PDLIM4: variants seen among roughly 807,000 people sequenced by gnomAD.
PDLIM4 encodes PDZ and LIM domain protein 4.
A neutral mutation model predicts 31.3 loss-of-function variants in PDLIM4; 19 were observed. The observed-to-expected ratio is 0.61, with a 90% CI of 0.42 to 0.89. PDLIM4 has a LOEUF of 0.89. PDLIM4 is among the 40% of genes least tolerant of loss of function. PDLIM4 has a pLI of 0.00. For missense variants in PDLIM4, 442 were observed against 461.1 expected, an observed-to-expected ratio of 0.96 and a Z score of 0.38; for synonymous variants, 176 against 190.1, an observed-to-expected ratio of 0.93 and a Z score of 0.61.
At chr5:132,263,727 A>G (rs892939045) in intron 2 of PDLIM4, among the ~76,000 whole-genome samples, 5 of 152,180 alleles carry the variant, frequency 3.3e-5, no homozygotes, top group Non-Finnish European at 7.3e-5. Flanking sequence ...CCAAACCACA[A>G]CACAGCTAAC....
chr5:132,271,566 T>A, intron 5 of PDLIM4, 100 bp downstream of exon 5: 1 of 1,279,250 alleles, frequency 7.8e-7, no homozygotes, highest in Non-Finnish European at 1.1e-6. Flanking sequence ...TCACCTGCCC[T>A]CTTCGGTCTC....
chr5:132,268,863 G>A (rs75811544), intron 3 of PDLIM4, among the ~76,000 whole-genome samples: 2,090 of 152,278 alleles, frequency 0.014, 46 homozygotes, highest in African/African-American at 0.048. Flanking sequence ...ACAACCAAGT[G>A]GGCAGCAGGC....
chr5:132,262,355 C>T (rs944579306), intron 1 of PDLIM4, among the ~76,000 whole-genome samples: 3 of 152,194 alleles, frequency 2.0e-5, no homozygotes, highest in African/African-American at 7.2e-5. Flanking sequence ...CCATTTGTCC[C>T]AGCCCTGAGG....
chr5:132,264,156 G>A (rs73263565), intron 2 of PDLIM4, among the ~76,000 whole-genome samples: 13 of 152,306 alleles, frequency 8.5e-5, no homozygotes, highest in African/African-American at 3.1e-4. Flanking sequence ...GTGCCTCAGA[G>A]GGGGCCTGAG....
rs777973591 is a variant in PDLIM4, at chr5:132,271,031, T to A, written c.444T>A (p.Asn148Lys). The change falls in exon 4 of 7, where the codon AAT (asparagine) becomes AAA (lysine). Residue 148 changes from asparagine (N) to lysine (K), a missense_variant. Asn to Lys is a moderately conservative substitution (Grantham distance 94). Coordinates refer to ENST00000253754, the MANE Select transcript of PDLIM4 (RefSeq NM_003687.4). ...GQPPRFPVPH[N>K]GSSEATLPAQ... ...CCCCTCGCTTTCCAGTCCCTCACAATGGCAGCAGCGAGGCCACCCTGCCAG... is the reference window on the plus strand; with the variant it reads ...CCCCTCGCTTTCCAGTCCCTCACAAAGGCAGCAGCGAGGCCACCCTGCCAG... The A allele has an allele frequency of 1.2e-6, 2 of 1,614,064 alleles. No individual in the cohort carries two copies. The highest frequency in any genetic ancestry group is 2.2e-5 in the South Asian group (2 of 91,080).
Position 132,257,952 on chromosome 5 carries a change from CCGCA to C in PDLIM4, c.93+126_93+129del, listed in dbSNP as rs1225914711. ...AAGGCGGAGGGTTGGCCTGGGCGCC[CCGCA>C]TGCTGTAGAGGCGGCTTCCAGGCAG... On this transcript the variant is annotated intron_variant, in intron 1 of 6. Transcript: ENST00000253754. The surrounding 1 kb of genome is among the most constrained non-coding windows in gnomAD (Gnocchi z 4.3). 2 of 517,888 alleles carry C rather than the reference CCGCA, an allele frequency of 3.9e-6. No homozygotes were observed. The highest frequency in any genetic ancestry group is 7.6e-5 in the East Asian group (2 of 26,452). 32.1% of individuals were successfully genotyped at this position (517,888 alleles called of 1,614,324 possible).
At chr5:132,261,516 C>T (rs1580797656) in intron 1 of PDLIM4, 1 of 152,272 alleles carries the variant, frequency 6.6e-6, no homozygotes, top group Non-Finnish European at 1.5e-5. Context: ...TTTGAACCAG[C>T]TGGGCACTGG....
At chr5:132,267,600 C>T (rs1233478462) in intron 3 of PDLIM4, among the ~76,000 whole-genome samples, 2 of 152,056 alleles carry the variant, frequency 1.3e-5, no homozygotes, top group African/African-American at 4.8e-5. Flanking sequence ...GAAGCCAAGA[C>T]CTGAAGGGCT....
chr5:132,272,468 G>A lies in PDLIM4; in HGVS notation c.*239G>A. The A allele has an allele frequency of 1.8e-6, 1 of 561,620 alleles. No individual in the cohort carries two copies. The highest frequency in any genetic ancestry group is 3.2e-6 in the Non-Finnish European group (1 of 311,090). The allele number at this position is 561,620 out of a possible 1,614,324, so 34.8% of individuals were successfully genotyped here. A position where few individuals can be genotyped will look rare whatever the true frequency, so the allele number is the denominator to read the frequency against. On this transcript the variant is annotated 3_prime_UTR_variant, in exon 7 of 7. Coordinates refer to ENST00000253754, the MANE Select transcript of PDLIM4 (RefSeq NM_003687.4). ...GGACGGGTACCATGCTGCCCTGAAG[G>A]GGGCCACAGCCTGGGTGGAAGGCAG...
At chr5:132,259,774 T>G (rs1405876917) in intron 1 of PDLIM4, among the ~76,000 whole-genome samples, 1 of 152,142 alleles carries the variant, frequency 6.6e-6, no homozygotes, top group African/African-American at 2.4e-5. Flanking sequence ...CCGGCAGGGC[T>G]GGGGGCTTGC....
intron 1 of PDLIM4, among the ~76,000 whole-genome samples, chr5:132,260,500 A>T (rs1459566458): frequency 1.3e-5 from 2 of 152,042 alleles, no homozygotes; most frequent in Non-Finnish European, 2.9e-5. Context: ...CCCCTCACTC[A>T]TGATGCTCCG....
chr5:132,264,294 G>A (rs936978372), intron 2 of PDLIM4, among the ~76,000 whole-genome samples: 2 of 152,136 alleles, frequency 1.3e-5, no homozygotes, highest in African/African-American at 4.8e-5. Flanking sequence ...TGGAGCCAGA[G>A]GTCCACTGAC....
intron 3 of PDLIM4, among the ~76,000 whole-genome samples, chr5:132,269,816 A>G (rs1444015395): frequency 6.6e-6 from 1 of 152,178 alleles, no homozygotes; most frequent in African/African-American, 2.4e-5. Context: ...GGCCTCAGAC[A>G]TCATCCTAAA....
intron 3 of PDLIM4, among the ~76,000 whole-genome samples, chr5:132,269,580 C>G (rs1237371960): frequency 6.6e-6 from 1 of 151,984 alleles, no homozygotes; most frequent in East Asian, 1.9e-4. Flanking sequence ...CACCCAACTG[C>G]TGGTCTGCCT....
intron 5 of PDLIM4, 33 bp from the exon 6 acceptor site, chr5:132,271,758 C>G (rs990621447): frequency 1.4e-6 from 2 of 1,426,124 alleles, no homozygotes; most frequent in Non-Finnish European, 2.0e-6. Flanking sequence ...GACCTCCTCA[C>G]CCCGTTCATG....
intron 3 of PDLIM4, among the ~76,000 whole-genome samples, chr5:132,269,867 G>A (rs1232707834): frequency 6.6e-6 from 1 of 152,214 alleles, no homozygotes; most frequent in East Asian, 1.9e-4. Context: ...CAGCTATGGA[G>A]GCCACTATGG....
At position 132,272,965 on chromosome 5, in the gene PDLIM4, T is replaced by C. The variant is rs1209357323; in HGVS notation, c.*736T>C. 1 of 152,472 alleles carries C rather than the reference T, an allele frequency of 6.6e-6. No homozygotes were observed. The highest frequency in any genetic ancestry group is 1.5e-5 in the Non-Finnish European group (1 of 68,260). 9.4% of individuals were successfully genotyped at this position (152,472 alleles called of 1,614,324 possible). On this transcript the variant is annotated 3_prime_UTR_variant, in exon 7 of 7. Transcript: ENST00000253754. ...CCAGACAGAGACCAGAAGGAAGGTT[T>C]AGAAAGAAAAGAACACTTGCCCAGG... is the stretch of plus-strand genomic sequence containing the variant.
At position 132,270,996 on chromosome 5, in the gene PDLIM4, T is replaced by C; in HGVS notation, c.409T>C (p.Tyr137His). 2 of 1,614,086 alleles carry C rather than the reference T, an allele frequency of 1.2e-6. No individual in the cohort carries two copies. The highest frequency in any genetic ancestry group is 1.1e-5 in the South Asian group (1 of 91,076). The stretch of plus-strand genomic sequence containing the variant: ...TGGCAGACCAAGCCTGGGATCTCCA[T>C]ATGGACAACCCCCTCGCTTTCCAGT... ...EDGRPSLGSP[Y>H]GQPPRFPVPH... Residue 137 changes from tyrosine to histidine, a missense_variant, in exon 4 of 7, where the codon TAT (tyrosine) becomes CAT (histidine). By Grantham distance (83) the Tyr-to-His change is moderately conservative (BLOSUM62 2). Transcript: ENST00000253754.
chr5:132,270,824 C>A, intron 3 of PDLIM4, 91 bp from the exon 4 acceptor site: 1 of 1,161,152 alleles, frequency 8.6e-7, no homozygotes, highest in Non-Finnish European at 1.3e-6. Flanking sequence ...ACATCCACCA[C>A]CTGGCACAGC....
Sources: allele counts gnomAD v4.1 joint callset (sites outside exome capture counted in the v4.1 genomes callset), GRCh38; gene constraint gnomAD v4.1.1; non-coding constraint Gnocchi (gnomAD v3.1); transcripts MANE v1.5; gene names NCBI Gene and HGNC (gene_info 2026-07-23, HGNC 2026-07-21).